AKAP19: variants seen among roughly 807,000 people sequenced by gnomAD.
AKAP19 encodes small A-kinase anchoring protein.
At chr2:189,958,314 T>C in the AKAP19 span, among the ~76,000 whole-genome samples, 141,083 of 152,022 alleles carry the variant, frequency 0.93, 65,510 homozygotes, top group East Asian at 0.97. Flanking sequence ...GAGAAGTGCA[T>C]ATTAAAACTA....
At chr2:190,060,223 T>C in the AKAP19 span, 12 of 1,613,176 alleles carry the variant, frequency 7.4e-6, no homozygotes, top group East Asian at 2.2e-5. Flanking sequence ...CCTGGGTTCA[T>C]GTCAAGTTTC....
At chr2:189,958,746 T>G in the AKAP19 span, among the ~76,000 whole-genome samples, 1 of 151,976 alleles carries the variant, frequency 6.6e-6, no homozygotes, top group East Asian at 1.9e-4. Flanking sequence ...TTGTGATACC[T>G]TTATATAATG....
the AKAP19 span, among the ~76,000 whole-genome samples, chr2:190,028,422 A>T: frequency 6.6e-6 from 1 of 152,198 alleles, no homozygotes; most frequent in African/African-American, 2.4e-5. Flanking sequence ...TTTTCAAATG[A>T]ATTGGTTTGA....
At chr2:189,975,196 C>G in the AKAP19 span, among the ~76,000 whole-genome samples, 1 of 152,144 alleles carries the variant, frequency 6.6e-6, no homozygotes, top group Non-Finnish European at 1.5e-5. Flanking sequence ...AATCTCTCAG[C>G]ATTTGCTTGT....
the AKAP19 span, among the ~76,000 whole-genome samples, chr2:190,149,450 C>T: frequency 6.6e-6 from 1 of 152,082 alleles, no homozygotes; most frequent in African/African-American, 2.4e-5. Context: ...TTTTTGATGT[C>T]GGTGCTTAGG....
the AKAP19 span, among the ~76,000 whole-genome samples, chr2:189,956,041 C>G: frequency 9.9e-5 from 15 of 151,924 alleles, no homozygotes; most frequent in African/African-American, 3.4e-4. Context: ...TTCGCATATG[C>G]TTCTCTATTT....
the AKAP19 span, chr2:189,923,348 G>A: frequency 4.3e-6 from 7 of 1,611,938 alleles, no homozygotes; most frequent in South Asian, 2.2e-5. Context: ...GGCCAGCAAC[G>A]TTACCAACAA....
At chr2:190,175,115 G>A in the AKAP19 span, among the ~76,000 whole-genome samples, 15 of 152,046 alleles carry the variant, frequency 9.9e-5, no homozygotes, top group African/African-American at 1.9e-4. Flanking sequence ...AAAATCAGAC[G>A]CTTATTTATT....
At chr2:189,977,112 T>C in the AKAP19 span, among the ~76,000 whole-genome samples, 1 of 152,200 alleles carries the variant, frequency 6.6e-6, no homozygotes, top group Non-Finnish European at 1.5e-5. Flanking sequence ...TTTGGCCATC[T>C]TGGAACTGCC....
the AKAP19 span, among the ~76,000 whole-genome samples, chr2:189,935,123 G>A: frequency 6.6e-6 from 1 of 151,986 alleles, no homozygotes; most frequent in Admixed American, 6.6e-5. Context: ...TGAAGGAATG[G>A]GTTTTTAAAA....
the AKAP19 span, among the ~76,000 whole-genome samples, chr2:190,038,901 T>TTTCTTCTTCTTCTTCTTCTTC: frequency 4.6e-4 from 21 of 46,022 alleles, no homozygotes; most frequent in East Asian, 7.9e-4. Flanking sequence ...TCTTTCTTTC[T>TTTCTTCTTCTTCTTCTTCTTC]TTCTTCTTCT....
At chr2:190,177,115 C>T in the AKAP19 span, among the ~76,000 whole-genome samples, 2 of 152,158 alleles carry the variant, frequency 1.3e-5, no homozygotes, top group South Asian at 4.2e-4. The surrounding 1 kb of genome is among the most constrained non-coding windows in gnomAD (Gnocchi z 4.6). Flanking sequence ...GTTCATATCC[C>T]ATAATGGTAT....
the AKAP19 span, among the ~76,000 whole-genome samples, chr2:190,008,756 ACACACACACACACACC>A: frequency 1.8e-3 from 212 of 114,824 alleles, 4 homozygotes; most frequent in East Asian, 0.048. Context: ...ACACACACAC[ACACACACACACACACC>A]CACCTGGTCT....
chr2:190,083,453 A>G, the AKAP19 span, among the ~76,000 whole-genome samples: 1 of 152,336 alleles, frequency 6.6e-6, no homozygotes, highest in South Asian at 2.1e-4. Context: ...AGTTTACTTG[A>G]GCCAAGATGA....
the AKAP19 span, among the ~76,000 whole-genome samples, chr2:190,131,080 C>A: frequency 6.6e-6 from 1 of 152,112 alleles, no homozygotes; most frequent in Non-Finnish European, 1.5e-5. Context: ...TTGTAATTTC[C>A]TGAGTGATAG....
At chr2:189,988,564 CAGAG>C in the AKAP19 span, among the ~76,000 whole-genome samples, 2 of 152,182 alleles carry the variant, frequency 1.3e-5, no homozygotes, top group Non-Finnish European at 2.9e-5. Flanking sequence ...ATGGACTCAA[CAGAG>C]AGAATCTTGC....
chr2:190,095,124 G>A, the AKAP19 span, among the ~76,000 whole-genome samples: 1 of 152,130 alleles, frequency 6.6e-6, no homozygotes, highest in Non-Finnish European at 1.5e-5. Flanking sequence ...TCAGGAGGCT[G>A]AGACAGGAGA....
At chr2:190,025,625 T>C in the AKAP19 span, among the ~76,000 whole-genome samples, 1 of 152,212 alleles carries the variant, frequency 6.6e-6, no homozygotes, top group Admixed American at 6.5e-5. Flanking sequence ...CCACAGCCAA[T>C]GACTGAGCAT....
the AKAP19 span, among the ~76,000 whole-genome samples, chr2:189,984,694 A>G: frequency 6.6e-6 from 1 of 152,242 alleles, no homozygotes; most frequent in Non-Finnish European, 1.5e-5. Flanking sequence ...ACTTATGTTT[A>G]GAGATTGCAG....
Sources: allele counts gnomAD v4.1 joint callset (sites outside exome capture counted in the v4.1 genomes callset), GRCh38; gene constraint gnomAD v4.1.1; non-coding constraint Gnocchi (gnomAD v3.1); transcripts MANE v1.5; gene names NCBI Gene and HGNC (gene_info 2026-07-23, HGNC 2026-07-21).